The following CCDC178 variants were observed in gnomAD, a reference collection of about 807,000 sequenced individuals.
CCDC178 encodes coiled-coil domain containing 178, also known as coiled-coil domain-containing protein 178.
Under a neutral mutation model 117.4 loss-of-function variants are expected in CCDC178, and 126 were observed. That is an observed-to-expected ratio of 1.07 (90% confidence interval 0.93 to 1.24). CCDC178 has a LOEUF of 1.24. CCDC178 is among the 50% of genes most tolerant of loss of function. CCDC178 has a pLI of 0.00. For missense variants in CCDC178, 1,030 were observed against 986.9 expected (o/e 1.04, Z -0.59); for synonymous variants, 283 against 313.4 (o/e 0.90, Z 1.02).
intron 11 of CCDC178, among the ~76,000 whole-genome samples, chr18:33,306,800 G>A (rs977012119): frequency 6.6e-6 from 1 of 151,852 alleles, no homozygotes; most frequent in Non-Finnish European, 1.5e-5. Flanking sequence ...TGTCCTTGGA[G>A]GGACTAGGTG....
At chr18:33,224,078 TA>T (rs1231072237) in intron 17 of CCDC178, among the ~76,000 whole-genome samples, 1 of 152,114 alleles carries the variant, frequency 6.6e-6, no homozygotes, top group African/African-American at 2.4e-5. Flanking sequence ...TTTTAAGAAA[TA>T]AAGACATTTT....
At chr18:33,156,947 C>T (rs1348098497) in intron 20 of CCDC178, among the ~76,000 whole-genome samples, 1 of 152,168 alleles carries the variant, frequency 6.6e-6, no homozygotes, top group African/African-American at 2.4e-5. Context: ...TTTATCTCTA[C>T]ATTTATCTTA....
At chr18:33,132,113 T>A (rs893245785) in intron 20 of CCDC178, among the ~76,000 whole-genome samples, 2 of 151,706 alleles carry the variant, frequency 1.3e-5, no homozygotes, top group Non-Finnish European at 3.0e-5. Context: ...GTGTAAATGG[T>A]CTTTAATGGC....
At chr18:33,130,482 G>T (rs2058056966) in intron 20 of CCDC178, among the ~76,000 whole-genome samples, 2 of 151,990 alleles carry the variant, frequency 1.3e-5, no homozygotes, top group South Asian at 2.1e-4. Flanking sequence ...TACACATAAG[G>T]AAACAAAGCC....
intron 20 of CCDC178, among the ~76,000 whole-genome samples, chr18:33,117,165 T>G (rs2057869140): frequency 6.6e-6 from 1 of 152,108 alleles, no homozygotes; most frequent in Admixed American, 6.6e-5. Context: ...TGAAGATATT[T>G]GTGTCTCATA....
At chr18:33,290,359 A>T (rs2060151804) in intron 12 of CCDC178, among the ~76,000 whole-genome samples, 1 of 152,196 alleles carries the variant, frequency 6.6e-6, no homozygotes, top group Admixed American at 6.5e-5. Flanking sequence ...TTAACATTAG[A>T]TGAAGATGGA....
intron 21 of CCDC178, among the ~76,000 whole-genome samples, chr18:33,038,752 C>T (rs1414284987): frequency 6.6e-6 from 1 of 151,966 alleles, no homozygotes; most frequent in African/African-American, 2.4e-5. Context: ...GTATCACTGA[C>T]ATCATGAAAT....
chr18:33,270,928 A>G (rs1052964871), intron 12 of CCDC178, among the ~76,000 whole-genome samples: 1 of 151,642 alleles, frequency 6.6e-6, no homozygotes, highest in African/African-American at 2.4e-5. Context: ...TAGTCACACA[A>G]TGTATAAAGA....
At chr18:33,050,366 T>C (rs560783473) in intron 21 of CCDC178, among the ~76,000 whole-genome samples, 11 of 152,204 alleles carry the variant, frequency 7.2e-5, no homozygotes, top group Non-Finnish European at 1.3e-4. Context: ...AATTTTTCAT[T>C]AGTCTTCTGA....
intron 18 of CCDC178, among the ~76,000 whole-genome samples, chr18:33,221,743 C>T (rs1276303244): frequency 6.6e-6 from 1 of 152,020 alleles, no homozygotes; most frequent in Non-Finnish European, 1.5e-5. Context: ...CCTGGCAAAA[C>T]AGAGTATCAT....
chr18:33,075,796 C>T (rs1383208043), intron 21 of CCDC178, among the ~76,000 whole-genome samples: 1 of 151,762 alleles, frequency 6.6e-6, no homozygotes, highest in African/African-American at 2.4e-5. Context: ...TGGTGAAACC[C>T]CATCTCTACT....
chr18:33,388,946 C>A (rs180847063), intron 5 of CCDC178, among the ~76,000 whole-genome samples: 6 of 151,754 alleles, frequency 4.0e-5, no homozygotes, highest in African/African-American at 1.5e-4. Context: ...AATGAGAGCA[C>A]GTGGACATAG....
intron 20 of CCDC178, among the ~76,000 whole-genome samples, chr18:33,135,854 C>T (rs2058119677): frequency 6.6e-6 from 1 of 152,142 alleles, no homozygotes; most frequent in Non-Finnish European, 1.5e-5. Flanking sequence ...GCAAGGTTTC[C>T]CATATCCTTC....
At chr18:33,295,615 A>G (rs1312781221) in intron 11 of CCDC178, among the ~76,000 whole-genome samples, 1 of 152,152 alleles carries the variant, frequency 6.6e-6, no homozygotes, top group Admixed American at 6.5e-5. Flanking sequence ...AAACATTACA[A>G]TGGGAAAATG....
At chr18:32,983,909 T>C (rs2055206549) in intron 21 of CCDC178, among the ~76,000 whole-genome samples, 1 of 152,024 alleles carries the variant, frequency 6.6e-6, no homozygotes, top group African/African-American at 2.4e-5. Context: ...TATAAACTAC[T>C]CCACAGATTT....
intron 21 of CCDC178, among the ~76,000 whole-genome samples, chr18:32,984,659 C>T (rs2144724453): frequency 6.6e-6 from 1 of 151,748 alleles, no homozygotes. Flanking sequence ...AATTATTGTT[C>T]CTTGTGATTG....
intron 21 of CCDC178, among the ~76,000 whole-genome samples, chr18:33,068,586 A>C (rs990978782): frequency 1.3e-4 from 19 of 151,864 alleles, no homozygotes; most frequent in African/African-American, 4.4e-4. Context: ...TCATCTCAAT[A>C]GATGCAGAAA....
At chr18:33,382,717 G>C (rs2063451496) in intron 5 of CCDC178, among the ~76,000 whole-genome samples, 1 of 152,268 alleles carries the variant, frequency 6.6e-6, no homozygotes, top group East Asian at 1.9e-4. Flanking sequence ...ACACCACCAG[G>C]GCCCTGGGTC....
chr18:33,383,707 G>C (rs1348433353), intron 5 of CCDC178, among the ~76,000 whole-genome samples: 1 of 151,956 alleles, frequency 6.6e-6, no homozygotes. Flanking sequence ...CCCACCAAAG[G>C]TTATCAGCCT....
Sources: gnomAD v4.1 joint callset for allele counts (sites outside exome capture counted in the v4.1 genomes callset) on GRCh38, gnomAD v4.1.1 for gene constraint, MANE v1.5 for transcripts, NCBI Gene and HGNC (gene_info 2026-07-23, HGNC 2026-07-21) for gene names.